The following LAMC1 variants were observed in gnomAD, a reference collection of about 807,000 sequenced individuals.
The protein encoded by LAMC1 is laminin subunit gamma-1.
A neutral mutation model predicts 173.6 loss-of-function variants in LAMC1; 38 were observed. That is an observed-to-expected ratio of 0.22 (90% confidence interval 0.17 to 0.29). The LOEUF (loss-of-function observed/expected upper bound fraction) is 0.29. Among genes scored for constraint, LAMC1 ranks in the 10% least tolerant of loss-of-function variants. LAMC1 has a pLI of 1.00. For synonymous variants in LAMC1, 746 were observed against 749.1 expected (o/e 1.00, Z 0.07); for missense variants, 1,824 against 2,051.8 (o/e 0.89, Z 2.14).
At chr1:183,045,234 A>C (rs1256653130) in intron 1 of LAMC1, among the ~76,000 whole-genome samples, 1 of 151,944 alleles carries the variant, frequency 6.6e-6, no homozygotes. Flanking sequence ...TTGTTTATGC[A>C]GCCAAGTATT....
rs779979571 is a variant in LAMC1 at position 183,125,535 on chromosome 1, G to T, written c.2786G>T (p.Gly929Val). 3 of 1,599,284 alleles carry T rather than the reference G, an allele frequency of 1.9e-6. No individual in the cohort carries two copies. The highest frequency in any genetic ancestry group is 2.6e-6 in the Non-Finnish European group (3 of 1,172,792). The change falls in exon 15 of 28, where the codon GGG becomes GTG. Residue 929 changes from glycine to valine, a missense_variant. Transcript: ENST00000258341. ...CCTGGATTCTACAATCTGCAGAGTG[G>T]GCAAGGCTGTGAGAGGTGAGACATA... is the stretch of plus-strand genomic sequence containing the variant. ...CDPGFYNLQS[G>V]QGCERCDCHA...
intron 22 of LAMC1, among the ~76,000 whole-genome samples, chr1:183,134,130 C>T (rs2102107909): frequency 6.6e-6 from 1 of 152,276 alleles, no homozygotes; most frequent in South Asian, 2.1e-4. Flanking sequence ...ATCATGGATT[C>T]TCACTCCAAG....
chr1:183,090,229 C>T (rs1414741042), intron 1 of LAMC1, among the ~76,000 whole-genome samples: 2 of 151,470 alleles, frequency 1.3e-5, no homozygotes, highest in Non-Finnish European at 2.9e-5. Flanking sequence ...TATTTCTTAA[C>T]AGTCATTAGA....
At chr1:183,116,953 A>G in intron 8 of LAMC1, 50 bp downstream of exon 8, 2 of 1,535,168 alleles carry the variant, frequency 1.3e-6, no homozygotes, top group Non-Finnish European at 8.9e-7. Context: ...GATTACACTT[A>G]AAATATTTTT....
Position 183,122,206 on chromosome 1 carries a change from A to G in LAMC1, c.2356A>G (p.Lys786Glu). 1 of 1,614,152 alleles carries G rather than the reference A, an allele frequency of 6.2e-7. No individual in the cohort carries two copies. Among genetic ancestry groups the G allele is most frequent in the South Asian group, 1.1e-5 (1 of 91,072 alleles). ...AGGTTCAAGTTGTGCTGTTGTTCCC[A>G]AGACAAAGGAGGTGGTGTGCACCAA... ...PGGSSCAVVPKTKEVVCTNCP... is the reference protein window; with the variant it reads ...PGGSSCAVVPETKEVVCTNCP... The change falls in exon 13 of 28, where the codon AAG becomes GAG. Residue 786 changes from lysine (K) to glutamate (E), a missense_variant. Coordinates refer to ENST00000258341, the MANE Select transcript of LAMC1 (RefSeq NM_002293.4).
chr1:183,128,864 T>G, intron 18 of LAMC1, 114 bp downstream of exon 18: 2 of 790,944 alleles, frequency 2.5e-6, no homozygotes, highest in Non-Finnish European at 3.6e-6. Context: ...TTTAAACTAC[T>G]CATAGATTAT....
Position 183,122,097 on chromosome 1 carries a change from G to T in LAMC1, c.2247G>T (p.Pro749=). The T allele has an allele frequency of 1.2e-6, 2 of 1,614,084 alleles. No individual in the cohort carries two copies. The highest frequency in any genetic ancestry group is 8.5e-7 in the Non-Finnish European group (1 of 1,179,986). The change falls in exon 13 of 28, where the codon CCG becomes CCT. Residue 749 remains proline (P), a synonymous_variant. Coordinates refer to ENST00000258341, the MANE Select transcript of LAMC1 (RefSeq NM_002293.4). The part of the protein sequence containing the change: ...VCNCRDNTAG[P]HCEKCSDGYY... Reference sequence around the variant, plus strand: ...ACTGCAGAGACAATACGGCTGGCCCGCACTGTGAGAAGTGCAGTGATGGGT... The same window carrying T: ...ACTGCAGAGACAATACGGCTGGCCCTCACTGTGAGAAGTGCAGTGATGGGT...
intron 1 of LAMC1, among the ~76,000 whole-genome samples, chr1:183,088,011 C>T (rs1228271439): frequency 1.3e-5 from 2 of 151,966 alleles, no homozygotes; most frequent in African/African-American, 2.4e-5. Context: ...TGGGGTTTCT[C>T]TATGTTGGTC....
Position 183,122,171 on chromosome 1 carries a change from C to T in LAMC1, c.2321C>T (p.Pro774Leu), listed in dbSNP as rs571894888. ...AGTSSDCQPC[P>L]CPGGSSCAVV... ...ACCTCCTCCGATTGCCAACCCTGTC[C>T]GTGTCCTGGAGGTTCAAGTTGTGCT... Residue 774 changes from proline (P) to leucine (L), a missense_variant, in exon 13 of 28, where the codon CCG becomes CTG. Coordinates refer to ENST00000258341, the MANE Select transcript of LAMC1 (RefSeq NM_002293.4). 17 of 1,614,178 alleles carry T rather than the reference C, an allele frequency of 1.1e-5. No homozygotes were observed. The highest frequency in any genetic ancestry group is 5.0e-5 in the Admixed American group (3 of 60,020).
intron 4 of LAMC1, among the ~76,000 whole-genome samples, chr1:183,113,474 C>T (rs1188323243): frequency 6.6e-6 from 1 of 152,126 alleles, no homozygotes; most frequent in Non-Finnish European, 1.5e-5. Flanking sequence ...AAGATACTGT[C>T]TACATTTTGG....
intron 1 of LAMC1, among the ~76,000 whole-genome samples, chr1:183,057,392 C>T (rs779634135): frequency 6.6e-6 from 1 of 152,216 alleles, no homozygotes; most frequent in East Asian, 1.9e-4. Flanking sequence ...GCAGGCCAGT[C>T]TCTCGTTTCA....
intron 8 of LAMC1, 108 bp downstream of exon 8, chr1:183,117,011 A>G (rs899597572): frequency 8.0e-6 from 9 of 1,123,622 alleles, no homozygotes; most frequent in Non-Finnish European, 1.1e-5. Flanking sequence ...GGTTGGCAAC[A>G]CTTTGTATTA....
At chr1:183,090,547 C>T (rs898519228) in intron 1 of LAMC1, among the ~76,000 whole-genome samples, 3 of 152,164 alleles carry the variant, frequency 2.0e-5, no homozygotes, top group African/African-American at 4.8e-5. Context: ...TGCCAGCTGG[C>T]AGGGTACTTG....
intron 1 of LAMC1, among the ~76,000 whole-genome samples, chr1:183,077,347 C>G (rs1469334513): frequency 2.0e-5 from 3 of 152,134 alleles, no homozygotes; most frequent in Non-Finnish European, 4.4e-5. Context: ...AATGCCTTTC[C>G]CTGTATCCTC....
intron 1 of LAMC1, among the ~76,000 whole-genome samples, chr1:183,080,865 C>T (rs1432306073): frequency 6.6e-6 from 1 of 151,422 alleles, no homozygotes; most frequent in East Asian, 1.9e-4. Flanking sequence ...TACTAATGTT[C>T]TCAGATATTT....
rs570356361 is a variant in LAMC1, at chr1:183,133,417, C to T, written c.3716C>T (p.Ala1239Val). The T allele has an allele frequency of 8.7e-6, 14 of 1,613,120 alleles. No homozygotes were observed. Among genetic ancestry groups the T allele is most frequent in the South Asian group, 4.4e-5 (4 of 90,938 alleles). The change falls in exon 22 of 28, where the codon GCG becomes GTG. Residue 1239 changes from alanine (A) to valine (V), a missense_variant. Physicochemically the swap from Ala to Val is moderately conservative, Grantham distance 64 (BLOSUM62 0). Transcript: ENST00000258341. ...IEELNRKYEQ[A>V]KNISQDLEKQ... is the part of the protein sequence containing the mutation. ...TATTTGTGTCTTAGGTATGAACAAG[C>T]GAAGAACATCTCACAGGATCTGGAA...
Position 183,142,646 on chromosome 1 carries a change from G to A in LAMC1, c.4686G>A (p.Glu1562=). Residue 1562 remains glutamate, a synonymous_variant, in exon 28 of 28, where the codon GAG becomes GAA. Coordinates refer to ENST00000258341, the MANE Select transcript of LAMC1 (RefSeq NM_002293.4). ...TTGATAGGAAAGTGTCTGACCTGGA[G>A]AATGAAGCCAAGAAGCAGGAGGCTG... ...SDLDRKVSDL[E]NEAKKQEAAI... 6.2e-7 allele frequency: 1 copy of A among 1,614,144 alleles called. No homozygotes were observed. Among genetic ancestry groups the A allele is most frequent in the Non-Finnish European group, 8.5e-7 (1 of 1,179,992 alleles).
At chr1:183,037,815 T>A (rs1445220988) in intron 1 of LAMC1, among the ~76,000 whole-genome samples, 1 of 152,108 alleles carries the variant, frequency 6.6e-6, no homozygotes, top group Non-Finnish European at 1.5e-5. Context: ...TGTGTTTTCT[T>A]TTGCTTGCCC....
chr1:183,069,885 G>A (rs947118946), intron 1 of LAMC1, among the ~76,000 whole-genome samples: 2 of 152,200 alleles, frequency 1.3e-5, no homozygotes, highest in Non-Finnish European at 2.9e-5. Context: ...ATTGAAGTAG[G>A]AGTGGGTGTT....
Sources: gnomAD v4.1 joint callset for allele counts (sites outside exome capture counted in the v4.1 genomes callset) on GRCh38, gnomAD v4.1.1 for gene constraint, MANE v1.5 for transcripts, NCBI Gene and HGNC (gene_info 2026-07-23, HGNC 2026-07-21) for gene names.